CCDC201: variants seen among roughly 807,000 people sequenced by gnomAD.
CCDC201 encodes coiled-coil domain containing 201, also known as coiled-coil domain-containing protein 201.
intron 2 of CCDC201, among the ~76,000 whole-genome samples, chr7:45,865,761 G>A (rs1290734705): frequency 6.6e-6 from 1 of 152,218 alleles, no homozygotes; most frequent in East Asian, 1.9e-4. Context: ...ACCATAGGCA[G>A]CATCAGTCAC....
upstream of CCDC201, among the ~76,000 whole-genome samples, chr7:45,876,524 C>T (rs1305424458): frequency 2.0e-5 from 3 of 152,178 alleles, no homozygotes; most frequent in Non-Finnish European, 4.4e-5. Context: ...CTTCCAGGTC[C>T]CCAGAGTTGC....
chr7:45,879,813 C>T, the CCDC201 span, among the ~76,000 whole-genome samples: 1 of 152,236 alleles, frequency 6.6e-6, no homozygotes, highest in African/African-American at 2.4e-5. Flanking sequence ...TGGCTGGGCA[C>T]AGTGGCTCAT....
chr7:45,884,110 C>CTCTT, the CCDC201 span, among the ~76,000 whole-genome samples: 62,902 of 149,576 alleles, frequency 0.42, 13,542 homozygotes, highest in East Asian at 0.56. Flanking sequence ...TCCTCTCTCT[C>CTCTT]TTTCTCTTGA....
At chr7:45,884,693 A>G in the CCDC201 span, among the ~76,000 whole-genome samples, 2 of 151,968 alleles carry the variant, frequency 1.3e-5, no homozygotes. Flanking sequence ...GGGGAAGGCC[A>G]CTTACCCTCC....
intron 1 of CCDC201, among the ~76,000 whole-genome samples, chr7:45,868,836 A>G (rs1786709896): frequency 6.6e-6 from 1 of 152,194 alleles, no homozygotes; most frequent in African/African-American, 2.4e-5. Context: ...CAATATAGAA[A>G]CAAACAAGTT....
chr7:45,884,142 C>T, the CCDC201 span, among the ~76,000 whole-genome samples: 6 of 151,836 alleles, frequency 4.0e-5, no homozygotes, highest in Admixed American at 3.3e-4. Context: ...ACTCTGCCAC[C>T]GAGGCTGGAG....
chr7:45,866,783 T>C (rs992047300), intron 1 of CCDC201, among the ~76,000 whole-genome samples: 1 of 152,282 alleles, frequency 6.6e-6, no homozygotes, highest in Non-Finnish European at 1.5e-5. Flanking sequence ...AAGAATAGGA[T>C]TGAAGCATAG....
intron 1 of CCDC201, among the ~76,000 whole-genome samples, chr7:45,867,561 A>G (rs888402268): frequency 6.6e-6 from 1 of 152,256 alleles, no homozygotes; most frequent in Non-Finnish European, 1.5e-5. Context: ...CCAATACCGT[A>G]TAATTAGCAA....
chr7:45,873,637 T>G (rs1350112212), upstream of CCDC201, among the ~76,000 whole-genome samples: 3 of 152,222 alleles, frequency 2.0e-5, no homozygotes, highest in South Asian at 2.1e-4. Context: ...GTTGCTCTGC[T>G]GCAGGTCCAC....
the CCDC201 span, among the ~76,000 whole-genome samples, chr7:45,884,861 A>G: frequency 6.6e-6 from 1 of 152,114 alleles, no homozygotes; most frequent in Non-Finnish European, 1.5e-5. Flanking sequence ...GGCTCAGTGT[A>G]GGGCATCCCA....
the CCDC201 span, among the ~76,000 whole-genome samples, chr7:45,882,771 G>T: frequency 1.4e-4 from 21 of 152,224 alleles, no homozygotes; most frequent in African/African-American, 5.1e-4. Context: ...TTTGCAATGC[G>T]GCAGGAGGTC....
upstream of CCDC201, among the ~76,000 whole-genome samples, chr7:45,874,413 T>A (rs1467921258): frequency 2.6e-5 from 4 of 152,238 alleles, no homozygotes; most frequent in East Asian, 7.7e-4. Context: ...GAATGAATGC[T>A]GTCACTGGCT....
intron 2 of CCDC201, among the ~76,000 whole-genome samples, chr7:45,865,561 G>A (rs1786658911): frequency 1.3e-5 from 2 of 152,206 alleles, no homozygotes; most frequent in Admixed American, 1.3e-4. Context: ...TACTAGAATA[G>A]GCTGTTTTCT....
At chr7:45,880,976 T>C in the CCDC201 span, among the ~76,000 whole-genome samples, 1 of 151,846 alleles carries the variant, frequency 6.6e-6, no homozygotes, top group African/African-American at 2.4e-5. Context: ...ATGGCATGAG[T>C]TCACGGGGCC....
At chr7:45,872,564 G>A (rs930298038) in intron 1 of CCDC201, among the ~76,000 whole-genome samples, 1 of 152,162 alleles carries the variant, frequency 6.6e-6, no homozygotes, top group African/African-American at 2.4e-5. Context: ...GATGGAGGAG[G>A]ACCAATGCCC....
intron 1 of CCDC201, among the ~76,000 whole-genome samples, chr7:45,866,747 T>G (rs1786676552): frequency 6.6e-6 from 1 of 152,166 alleles, no homozygotes; most frequent in Non-Finnish European, 1.5e-5. Context: ...GTCAAAACAG[T>G]AAGCATTGTC....
the CCDC201 span, among the ~76,000 whole-genome samples, chr7:45,881,235 G>C: frequency 6.6e-6 from 1 of 152,068 alleles, no homozygotes; most frequent in African/African-American, 2.4e-5. Flanking sequence ...CTGGTGTCCT[G>C]GTGGCTCGTC....
chr7:45,879,148 T>G, the CCDC201 span, among the ~76,000 whole-genome samples: 20 of 152,328 alleles, frequency 1.3e-4, no homozygotes, highest in East Asian at 3.9e-3. Context: ...GTTCCTCATC[T>G]CCATCTGAGA....
At chr7:45,882,031 A>G in the CCDC201 span, among the ~76,000 whole-genome samples, 7 of 152,234 alleles carry the variant, frequency 4.6e-5, no homozygotes, top group African/African-American at 7.2e-5. Flanking sequence ...TGTGTTGATC[A>G]TGGAACATAA....
Sources: allele counts gnomAD v4.1 joint callset (sites outside exome capture counted in the v4.1 genomes callset), GRCh38; gene constraint gnomAD v4.1.1; transcripts MANE v1.5; gene names NCBI Gene and HGNC (gene_info 2026-07-23, HGNC 2026-07-21).